DHRSX: variants seen among roughly 807,000 people sequenced by gnomAD.
DHRSX encodes dehydrogenase/reductase X-linked.
In DHRSX, 31 loss-of-function variants were observed where a neutral mutation model predicts 34.0. That is an observed-to-expected ratio of 0.91 (90% CI 0.69 to 1.23). The LOEUF is 1.23. Among genes scored for constraint, DHRSX ranks in the 50% most tolerant of loss-of-function variants. DHRSX has a pLI of 0.00. For synonymous variants in DHRSX, 201 were observed against 183.8 expected, an observed-to-expected ratio of 1.09 and a Z score of -0.76; for missense variants, 414 against 428.1, an observed-to-expected ratio of 0.97 and a Z score of 0.29.
chrX:2,462,991 C>G (rs1263319309), intron 1 of DHRSX, among the ~76,000 whole-genome samples: 3 of 152,068 alleles, frequency 2.0e-5, no homozygotes, highest in African/African-American at 4.8e-5. Context: ...AATAGGATCA[C>G]TGTCCTTATA....
In DHRSX at chrX:2,283,558, G is replaced by C. The variant is rs181287800; in HGVS notation, c.388+7944C>G. Among the ~76,000 whole-genome samples, 7 of 152,100 alleles carry C rather than the reference G, an allele frequency of 4.6e-5. No homozygotes were observed. In the East Asian group the frequency reaches 1.2e-3, roughly 25 times the overall value. On this transcript the variant is annotated intron_variant, in intron 4 of 6. Transcript: ENST00000334651. The stretch of plus-strand genomic sequence containing the variant: ...ATGCCAGGCGCCCACAAAGACAGGA[G>C]ATGGCTGCTCAGGTGTCCGTCCACC...
chrX:2,275,171 A>T (rs1279882774), intron 4 of DHRSX, among the ~76,000 whole-genome samples: 1 of 151,884 alleles, frequency 6.6e-6, no homozygotes, highest in Non-Finnish European at 1.5e-5. Flanking sequence ...TTGTCAAGTT[A>T]TTATTTTCTT....
Position 2,304,023 on chromosome X carries a change from TGATGGATGGATG to T in DHRSX, c.287-12432_287-12421del, listed in dbSNP as rs745829295. 9.6e-3 allele frequency among the ~76,000 whole-genome samples: 652 copies of T among 67,886 alleles called. 1 individual carries two copies. The highest frequency in any genetic ancestry group is 0.038 in the Middle Eastern group (2 of 52). 44.5% of individuals were successfully genotyped at this position (67,886 alleles called of 152,430 possible). Reference sequence around the variant, plus strand: ...TTGATGGATGGACGGATGGATGAACTGATGGATGGATGGATGGATGGATGGATGGATGGATGG... The same window carrying T: ...TTGATGGATGGACGGATGGATGAACTGATGGATGGATGGATGGATGGATGG... On this transcript the variant is annotated intron_variant, in intron 3 of 6. Coordinates refer to ENST00000334651, the MANE Select transcript of DHRSX (RefSeq NM_145177.3).
intron 3 of DHRSX, among the ~76,000 whole-genome samples, chrX:2,357,964 C>T (rs1038923418): frequency 6.6e-5 from 10 of 152,204 alleles, no homozygotes; most frequent in Non-Finnish European, 1.0e-4. Flanking sequence ...CTCTACAAAA[C>T]GCTTATTTTA....
intron 5 of DHRSX, among the ~76,000 whole-genome samples, chrX:2,243,805 T>TG (rs1569478893): frequency 3.3e-5 from 3 of 90,146 alleles, no homozygotes; most frequent in Non-Finnish European, 5.1e-5. Flanking sequence ...TTTTTTTTTT[T>TG]TTTTTTTTTT....
intron 3 of DHRSX, among the ~76,000 whole-genome samples, chrX:2,338,695 G>A (rs1236082236): frequency 1.3e-5 from 2 of 152,026 alleles, no homozygotes; most frequent in Non-Finnish European, 2.9e-5. Context: ...GTTCCACCAT[G>A]AGTGGAAGCC....
At chrX:2,259,173 T>C (rs1357820672) in intron 5 of DHRSX, among the ~76,000 whole-genome samples, 2 of 151,786 alleles carry the variant, frequency 1.3e-5, no homozygotes, top group Non-Finnish European at 2.9e-5. Context: ...CTCAGGAGGC[T>C]GAGGCAGGAG....
intron 4 of DHRSX, among the ~76,000 whole-genome samples, chrX:2,271,328 A>G (rs752731185): frequency 1.3e-5 from 2 of 152,302 alleles, no homozygotes; most frequent in African/African-American, 4.8e-5. Context: ...AAGAACCCAC[A>G]AGAAGGAATA....
chrX:2,322,419 T>C (rs1360074172), intron 3 of DHRSX, among the ~76,000 whole-genome samples: 1 of 151,760 alleles, frequency 6.6e-6, no homozygotes, highest in Non-Finnish European at 1.5e-5. Context: ...CGTGGTGGCG[T>C]GCACCTTTAG....
chrX:2,421,940 C>T (rs1172138990), intron 2 of DHRSX, among the ~76,000 whole-genome samples: 3 of 152,148 alleles, frequency 2.0e-5, no homozygotes, highest in Non-Finnish European at 4.4e-5. Flanking sequence ...AACATGATGA[C>T]TTTTAGCCTG....
intron 6 of DHRSX, among the ~76,000 whole-genome samples, chrX:2,225,423 T>G (rs1302288351): frequency 6.6e-6 from 1 of 152,132 alleles, no homozygotes; most frequent in African/African-American, 2.4e-5. Flanking sequence ...CACATACTCA[T>G]TCACATGCAT....
chrX:2,246,704 AAGAG>A (rs1278129185), intron 5 of DHRSX, among the ~76,000 whole-genome samples: 157 of 76,710 alleles, frequency 2.0e-3, no homozygotes, highest in African/African-American at 8.5e-3. Flanking sequence ...AAAAGAAAGA[AAGAG>A]AAAGAAAGAA....
intron 3 of DHRSX, among the ~76,000 whole-genome samples, chrX:2,320,298 CTTTTT>C (rs767394558): frequency 4.0e-5 from 4 of 100,276 alleles, no homozygotes; most frequent in Admixed American, 1.1e-4. Flanking sequence ...CTTTTCTTTT[CTTTTT>C]TTTTTTTTTG....
intron 1 of DHRSX, among the ~76,000 whole-genome samples, chrX:2,470,345 G>A (rs1228643413): frequency 1.3e-5 from 2 of 151,146 alleles, no homozygotes; most frequent in Non-Finnish European, 2.9e-5. Context: ...GAGGATCACT[G>A]GAGGCCAGGA....
intron 3 of DHRSX, among the ~76,000 whole-genome samples, chrX:2,336,030 G>C (rs1487536173): frequency 1.3e-5 from 2 of 151,808 alleles, no homozygotes; most frequent in African/African-American, 4.8e-5. Context: ...TGTTGTCGTT[G>C]AGACAGAGTC....
In DHRSX at chrX:2,266,960, G is replaced by A. The variant is rs1341324855; in HGVS notation, c.389-13C>T. ...ATCATCACCCCAGCTGGACAAAAGA[G>A]AATATCAGAAGGAGTTAGACTGGGG... is the stretch of plus-strand genomic sequence containing the variant. On this transcript the variant is annotated splice_polypyrimidine_tract_variant and intron_variant, in intron 4 of 6. Transcript: ENST00000334651. 6.2e-7 allele frequency: 1 copy of A among 1,613,470 alleles called. No homozygotes were observed. The highest frequency in any genetic ancestry group is 1.7e-5 in the Admixed American group (1 of 60,016).
intron 4 of DHRSX, among the ~76,000 whole-genome samples, chrX:2,290,967 G>A (rs1252664594): frequency 1.1e-4 from 17 of 152,144 alleles, no homozygotes; most frequent in East Asian, 5.8e-4. Context: ...AACAGTAAGC[G>A]TTGCAATGAC....
intron 2 of DHRSX, among the ~76,000 whole-genome samples, chrX:2,419,210 A>G (rs901572336): frequency 2.0e-5 from 3 of 152,126 alleles, no homozygotes; most frequent in African/African-American, 7.2e-5. Context: ...GGTGGAGCAC[A>G]ATGAATGGAA....
intron 1 of DHRSX, among the ~76,000 whole-genome samples, chrX:2,485,518 C>T (rs749750431): frequency 1.5e-3 from 167 of 113,628 alleles, no homozygotes; most frequent in African/African-American, 5.1e-3. Flanking sequence ...GGAAGGAAAA[C>T]GAAAGAGGAA....
Sources: allele counts gnomAD v4.1 joint callset (sites outside exome capture counted in the v4.1 genomes callset), GRCh38; gene constraint gnomAD v4.1.1; transcripts MANE v1.5; gene names NCBI Gene and HGNC (gene_info 2026-07-23, HGNC 2026-07-21).